HTR2C: variants seen among roughly 807,000 people sequenced by gnomAD.
HTR2C encodes 5-hydroxytryptamine receptor 2C.
A neutral mutation model predicts 21.0 loss-of-function variants in HTR2C; 5 were observed. The ratio of observed to expected loss-of-function variants is 0.24; its 90% confidence interval spans 0.12 to 0.50. HTR2C has a LOEUF of 0.50. Among genes scored for constraint, HTR2C ranks in the 20% least tolerant of loss-of-function variants. HTR2C has a pLI of 0.98. For missense variants in HTR2C, 271 were observed against 371.2 expected (o/e 0.73, Z 2.22); for synonymous variants, 150 against 145.3 (o/e 1.03, Z -0.23).
intron 4 of HTR2C, among the ~76,000 whole-genome samples, chrX:114,806,599 TATATACAC>T (rs2070446943): frequency 1.4e-5 from 1 of 70,812 alleles, no homozygotes; most frequent in Admixed American, 1.8e-4. Context: ...ATATATATCA[TATATACAC>T]CATATATACA....
chrX:114,885,586 T>C (rs889630838), intron 5 of HTR2C, among the ~76,000 whole-genome samples: 1 of 112,147 alleles, frequency 8.9e-6, no homozygotes, highest in Admixed American at 9.5e-5. Flanking sequence ...TAATTTTTAA[T>C]ATTTTAAAAG....
intron 5 of HTR2C, among the ~76,000 whole-genome samples, chrX:114,887,350 T>A (rs2071227574): frequency 8.9e-6 from 1 of 111,876 alleles, no homozygotes; most frequent in Admixed American, 9.5e-5. Context: ...TTAATATTAA[T>A]GAATCCATTT....
intron 4 of HTR2C, among the ~76,000 whole-genome samples, chrX:114,837,355 T>C (rs2070796096): frequency 8.9e-6 from 1 of 112,150 alleles, no homozygotes; most frequent in Non-Finnish European, 1.9e-5. Context: ...ATAATATCTC[T>C]TTAGATGTAG....
chrX:114,814,298 T>G (rs1336422185), intron 4 of HTR2C, among the ~76,000 whole-genome samples: 2 of 110,705 alleles, frequency 1.8e-5, no homozygotes, highest in Non-Finnish European at 3.8e-5. Flanking sequence ...GAGGAAATAT[T>G]TGTGTAAGAA....
At chrX:114,895,033 A>G (rs1486699332) in intron 5 of HTR2C, among the ~76,000 whole-genome samples, 2 of 111,780 alleles carry the variant, frequency 1.8e-5, no homozygotes, top group African/African-American at 6.5e-5. Flanking sequence ...TTATTTTTTA[A>G]ATAAACAAAA....
intron 4 of HTR2C, among the ~76,000 whole-genome samples, chrX:114,814,764 T>C (rs1005084405): frequency 9.8e-6 from 1 of 102,177 alleles, no homozygotes; most frequent in East Asian, 2.9e-4. Context: ...ATATATATTA[T>C]AGTATATATA....
intron 4 of HTR2C, among the ~76,000 whole-genome samples, chrX:114,739,853 C>T (rs191042748): frequency 9.0e-6 from 1 of 111,392 alleles, no homozygotes; most frequent in East Asian, 2.8e-4. Flanking sequence ...CACCTATAAT[C>T]CCAGCACTTT....
At position 114,678,580 on chromosome X, in the gene HTR2C, A is replaced by G. The variant is rs782492253; in HGVS notation, c.-79-48278A>G. On this transcript the variant is annotated intron_variant, in intron 2 of 5. Transcript: ENST00000276198. ...ATAGAGCCTCATGAGTAATTATTTAACATGAAAGATAGTGTTTACATTGCT... is the reference window on the plus strand; with the variant it reads ...ATAGAGCCTCATGAGTAATTATTTAGCATGAAAGATAGTGTTTACATTGCT... Among the ~76,000 whole-genome samples the G allele has an allele frequency of 1.3e-3, 143 of 111,583 alleles. 1 individual carries two copies. In the South Asian group the frequency reaches 0.053, roughly 41 times the overall value.
intron 2 of HTR2C, among the ~76,000 whole-genome samples, chrX:114,626,062 A>T (rs1308234770): frequency 9.0e-6 from 1 of 111,294 alleles, no homozygotes; most frequent in African/African-American, 3.3e-5. Context: ...GTGCATTAGA[A>T]CCAAAAATGG....
intron 2 of HTR2C, among the ~76,000 whole-genome samples, chrX:114,659,078 G>A (rs1930890125): frequency 1.8e-5 from 2 of 110,945 alleles, no homozygotes; most frequent in South Asian, 3.8e-4. Context: ...CCTTCTTCAC[G>A]TGCTGGCAGG....
At chrX:114,790,001 T>C (rs1172707511) in intron 4 of HTR2C, among the ~76,000 whole-genome samples, 1 of 112,451 alleles carries the variant, frequency 8.9e-6, no homozygotes, top group African/African-American at 3.2e-5. Context: ...AAAGTGTCTT[T>C]TGAACAATAT....
At chrX:114,830,380 G>A (rs1052380281) in intron 4 of HTR2C, among the ~76,000 whole-genome samples, 1 of 111,320 alleles carries the variant, frequency 9.0e-6, no homozygotes, top group Middle Eastern at 4.3e-3. Context: ...GAAGTGGGAA[G>A]GGAAAGGAAA....
At chrX:114,586,130 T>C (rs1927383411) in intron 1 of HTR2C, among the ~76,000 whole-genome samples, 1 of 111,984 alleles carries the variant, frequency 8.9e-6, no homozygotes, top group Non-Finnish European at 1.9e-5. Flanking sequence ...TGGCTACATA[T>C]GTGTAGAGAC....
intron 2 of HTR2C, among the ~76,000 whole-genome samples, chrX:114,637,762 G>A (rs972573599): frequency 1.1e-4 from 12 of 111,275 alleles, no homozygotes; most frequent in African/African-American, 3.9e-4. Flanking sequence ...TCACACTGAC[G>A]TGCAGAGTGA....
At chrX:114,643,826 G>A (rs1040282701) in intron 2 of HTR2C, among the ~76,000 whole-genome samples, 1 of 111,530 alleles carries the variant, frequency 9.0e-6, no homozygotes, top group African/African-American at 3.3e-5. Context: ...TACCAACTGC[G>A]AAATAACTGC....
At chrX:114,893,001 C>T (rs2071269905) in intron 5 of HTR2C, among the ~76,000 whole-genome samples, 1 of 109,001 alleles carries the variant, frequency 9.2e-6, no homozygotes. Flanking sequence ...CAACTTCCGA[C>T]TCCCGGGTTC....
At chrX:114,714,878 G>A (rs782186747) in intron 2 of HTR2C, among the ~76,000 whole-genome samples, 1 of 111,505 alleles carries the variant, frequency 9.0e-6, no homozygotes, top group East Asian at 2.8e-4. Flanking sequence ...CCAGCCTAAT[G>A]TCCTTTATGC....
chrX:114,640,964 CTTTTTCTTTCT>C (rs1454398357), intron 2 of HTR2C, among the ~76,000 whole-genome samples: 9 of 86,601 alleles, frequency 1.0e-4, no homozygotes, highest in South Asian at 1.9e-3. Flanking sequence ...CCCTCCCTCC[CTTTTTCTTTCT>C]TTTTTCTTTC....
intron 2 of HTR2C, among the ~76,000 whole-genome samples, chrX:114,639,211 A>G (rs1929989923): frequency 8.9e-6 from 1 of 112,408 alleles, no homozygotes; most frequent in Non-Finnish European, 1.9e-5. Context: ...ACTATGTGAC[A>G]AAACAATGTG....
Sources: allele counts gnomAD v4.1 joint callset (sites outside exome capture counted in the v4.1 genomes callset), GRCh38; gene constraint gnomAD v4.1.1; transcripts MANE v1.5; gene names NCBI Gene and HGNC (gene_info 2026-07-23, HGNC 2026-07-21).